DCC: variants seen among roughly 807,000 people sequenced by gnomAD.
The protein encoded by DCC is netrin receptor DCC.
Under a neutral mutation model 172.5 loss-of-function variants are expected in DCC, and 58 were observed. That is an observed-to-expected ratio of 0.34 (90% CI 0.27 to 0.42). The LOEUF is 0.42. Ranked by LOEUF, DCC falls within the 10% of genes least tolerant of loss-of-function variation. The probability of loss-of-function intolerance (pLI) is 1.00; values close to 1 mark genes in which losing one functional copy is unlikely to be tolerated. For synonymous variants in DCC, 709 were observed against 644.5 expected (o/e 1.10, Z -1.52); for missense variants, 1,740 against 1,791.0 (o/e 0.97, Z 0.51).
At chr18:53,156,822 G>A (rs1179025464) in intron 7 of DCC, among the ~76,000 whole-genome samples, 2 of 152,082 alleles carry the variant, frequency 1.3e-5, no homozygotes, top group Admixed American at 6.6e-5. Flanking sequence ...GTGTTCATTC[G>A]TTTATTCATT....
chr18:52,515,782 A>C (rs980857253), intron 1 of DCC, among the ~76,000 whole-genome samples: 1 of 151,024 alleles, frequency 6.6e-6, no homozygotes, highest in Admixed American at 6.6e-5. Flanking sequence ...GTTGCTTTGT[A>C]AAAGACCCTT....
intron 5 of DCC, among the ~76,000 whole-genome samples, chr18:53,000,890 C>T (rs1003054251): frequency 6.6e-6 from 1 of 151,962 alleles, no homozygotes; most frequent in African/African-American, 2.4e-5. Flanking sequence ...GCTTATTACT[C>T]ATCACTTCCT....
chr18:53,407,247 C>T lies in DCC; in HGVS notation c.2936-3205C>T, dbSNP rs145923086. Among the ~76,000 whole-genome samples the T allele has an allele frequency of 7.3e-3, 1,108 of 151,850 alleles. 16 individuals carry two copies. The highest frequency in any genetic ancestry group is 0.027 in the Admixed American group (404 of 15,234). Reference sequence around the variant, plus strand: ...TAAAACAGCCCATGAAAATTTTTAACGATTTCATTAAATATCTAAATGTAA... The same window carrying T: ...TAAAACAGCCCATGAAAATTTTTAATGATTTCATTAAATATCTAAATGTAA... On this transcript the variant is annotated intron_variant, in intron 19 of 28. Transcript: ENST00000442544.
chr18:53,376,508 A>G lies in DCC; in HGVS notation c.2360-9535A>G, dbSNP rs1907298808. Among the ~76,000 whole-genome samples, 6 of 152,360 alleles carry G rather than the reference A, an allele frequency of 3.9e-5. No individual in the cohort carries two copies. In the South Asian group the frequency reaches 1.2e-3, roughly 32 times the overall value. ...TAAATTTGGTAGTACTCACCAACGT[A>G]GAGCCAACAATTCTAAGCAGCTTAT... On this transcript the variant is annotated intron_variant, in intron 15 of 28. Transcript: ENST00000442544.
chr18:52,398,462 T>C (rs1226488988), intron 1 of DCC, among the ~76,000 whole-genome samples: 2 of 152,008 alleles, frequency 1.3e-5, no homozygotes, highest in Non-Finnish European at 2.9e-5. Flanking sequence ...ATCCTTTGTA[T>C]TGTAACTTTT....
chr18:53,111,433 AG>A (rs1327540838), intron 7 of DCC, among the ~76,000 whole-genome samples: 3 of 36,240 alleles, frequency 8.3e-5, no homozygotes, highest in East Asian at 5.3e-4. Flanking sequence ...GACAAAAAAA[AG>A]AAAGAAAGAT....
intron 2 of DCC, among the ~76,000 whole-genome samples, chr18:52,822,533 A>T (rs573698090): frequency 1.5e-4 from 23 of 152,338 alleles, no homozygotes; most frequent in Admixed American, 9.8e-4. Context: ...CATGAAAATT[A>T]TAAGCCCCTG....
chr18:52,714,212 A>G (rs1185248144), intron 1 of DCC, among the ~76,000 whole-genome samples: 1 of 152,232 alleles, frequency 6.6e-6, no homozygotes, highest in African/African-American at 2.4e-5. Flanking sequence ...CACAGGGTCC[A>G]TGGCAATGAT....
chr18:53,528,468 TATCTC>T (rs1245972858), intron 28 of DCC, among the ~76,000 whole-genome samples: 1 of 152,132 alleles, frequency 6.6e-6, no homozygotes, highest in African/African-American at 2.4e-5. Context: ...TTACATGAAG[TATCTC>T]ATCTCATAAA....
chr18:52,360,142 C>T (rs1984555330), intron 1 of DCC, among the ~76,000 whole-genome samples: 1 of 152,024 alleles, frequency 6.6e-6, no homozygotes, highest in South Asian at 2.1e-4. Context: ...TTGTTATTCT[C>T]CTCTCTAAAA....
chr18:52,767,439 A>T (rs934389316), intron 2 of DCC, among the ~76,000 whole-genome samples: 7 of 152,304 alleles, frequency 4.6e-5, no homozygotes, highest in African/African-American at 1.4e-4. Context: ...TTAACATATC[A>T]CAAAAGTAAA....
chr18:53,124,160 A>G (rs1044636801), intron 7 of DCC, among the ~76,000 whole-genome samples: 2 of 152,030 alleles, frequency 1.3e-5, no homozygotes, highest in African/African-American at 4.8e-5. Flanking sequence ...TTCTTAACCA[A>G]TTGCTTTCTG....
intron 8 of DCC, among the ~76,000 whole-genome samples, chr18:53,173,354 G>T (rs1030670639): frequency 6.6e-6 from 1 of 152,042 alleles, no homozygotes; most frequent in African/African-American, 2.4e-5. Context: ...TTCATACAGG[G>T]TGCTTTTTCT....
chr18:53,148,865 C>CTTTTTTTTTTTTTTTTTTTTTTT lies in DCC; in HGVS notation c.1262-8474_1262-8473insTTTTTTTTTTTTTTTTTTTTTTT, dbSNP rs5824990. ...AAACTAGCTCAGAACTTCCCAATGCCTTTTTTTTTTTTTTTTTGGACAAAG... is the reference window on the plus strand; with the variant it reads ...AAACTAGCTCAGAACTTCCCAATGCCTTTTTTTTTTTTTTTTTTTTTTTTTTTTTTTTTTTTTTTTGGACAAAG... On this transcript the variant is annotated intron_variant, in intron 7 of 28. Transcript: ENST00000442544. Among the ~76,000 whole-genome samples, 156 of 109,766 alleles carry CTTTTTTTTTTTTTTTTTTTTTTT rather than the reference C, an allele frequency of 1.4e-3. 15 individuals carry two copies. The highest frequency in any genetic ancestry group is 4.7e-3 in the African/African-American group (125 of 26,700). 72.0% of individuals were successfully genotyped at this position (109,766 alleles called of 152,430 possible).
At chr18:52,981,325 A>T (rs1237161007) in intron 5 of DCC, among the ~76,000 whole-genome samples, 7 of 152,098 alleles carry the variant, frequency 4.6e-5, no homozygotes. Context: ...ACTTTTTGAC[A>T]GTTCTTTTCT....
intron 1 of DCC, among the ~76,000 whole-genome samples, chr18:52,341,442 A>C (rs142875931): frequency 1.1e-4 from 16 of 152,308 alleles, no homozygotes; most frequent in African/African-American, 3.8e-4. Flanking sequence ...CCTGGTACTG[A>C]AGGAGGCACA....
chr18:53,458,213 A>T (rs1009420730), intron 23 of DCC, among the ~76,000 whole-genome samples: 4 of 152,216 alleles, frequency 2.6e-5, no homozygotes, highest in Non-Finnish European at 4.4e-5. Flanking sequence ...AAAGAAATAG[A>T]AGTTACAAGT....
At chr18:52,927,261 G>T (rs1181014715) in intron 5 of DCC, among the ~76,000 whole-genome samples, 1 of 148,070 alleles carries the variant, frequency 6.8e-6, no homozygotes, top group Non-Finnish European at 1.5e-5. Flanking sequence ...ACACATATAT[G>T]CACATATATA....
At chr18:52,411,305 C>T (rs1377058721) in intron 1 of DCC, among the ~76,000 whole-genome samples, 6 of 152,132 alleles carry the variant, frequency 3.9e-5, no homozygotes, top group Admixed American at 3.9e-4. Context: ...CTCTGTAATG[C>T]TACCCCTTCT....
Sources: allele counts gnomAD v4.1 joint callset (sites outside exome capture counted in the v4.1 genomes callset), GRCh38; gene constraint gnomAD v4.1.1; transcripts MANE v1.5; gene names NCBI Gene and HGNC (gene_info 2026-07-23, HGNC 2026-07-21).